Variants in HHIPL1 observed in about 807,000 individuals in gnomAD.
HHIPL1 encodes the protein HHIP-like protein 1.
In HHIPL1, 43 loss-of-function variants were observed where a neutral mutation model predicts 61.8. That is an observed-to-expected ratio of 0.70 (90% CI 0.55 to 0.90). The LOEUF is 0.90. HHIPL1 is among the 40% of genes least tolerant of loss of function. The pLI, the probability that HHIPL1 is intolerant of heterozygous loss-of-function variation, is 0.00. For missense variants in HHIPL1, 1,056 were observed against 1,157.7 expected, an observed-to-expected ratio of 0.91 and a Z score of 1.28; for synonymous variants, 482 against 515.8, an observed-to-expected ratio of 0.93 and a Z score of 0.89.
Position 99,675,358 on chromosome 14 carries a change from GA to G in HHIPL1, c.2082del (p.Arg695AlafsTer191). 6.7e-7 allele frequency: 1 copy of G among 1,489,012 alleles called. No homozygotes were observed. Among genetic ancestry groups the G allele is most frequent in the African/African-American group, 1.4e-5 (1 of 69,984 alleles). 92.2% of individuals were successfully genotyped at this position (1,489,012 alleles called of 1,614,324 possible). On this transcript the variant is annotated frameshift_variant, in exon 9 of 9. Coordinates refer to ENST00000330710, the MANE Select transcript of HHIPL1 (RefSeq NM_001127258.3). LOFTEE classifies it low-confidence loss of function (END_TRUNC). This position sits in a 1 kb window ranked among gnomAD's most constrained non-coding sequence, Gnocchi z 5.4. ...GGGCGCGTGGAGGTGTTCGTGGGCG[GA>G]CGCTGGGGCACCGTGTGCGACGACT... is the stretch of plus-strand genomic sequence containing the variant. Reference protein sequence around the residue: ...GSGRVEVFVGGRWGTVCDDSW... With the variant: ...GSGRVEVFVGXRWGTVCDDSW...
At chr14:99,629,387 A>G in the HHIPL1 span, among the ~76,000 whole-genome samples, 1 of 152,240 alleles carries the variant, frequency 6.6e-6, no homozygotes, top group African/African-American at 2.4e-5. Context: ...TCTCTCTGGA[A>G]GATTACATAA....
the HHIPL1 span, among the ~76,000 whole-genome samples, chr14:99,607,214 T>C: frequency 6.6e-6 from 1 of 151,764 alleles, no homozygotes; most frequent in Non-Finnish European, 1.5e-5. Context: ...CTTTTCTTTT[T>C]TCCCCCATAG....
At chr14:99,621,073 AC>A in the HHIPL1 span, among the ~76,000 whole-genome samples, 1 of 152,220 alleles carries the variant, frequency 6.6e-6, no homozygotes, top group Non-Finnish European at 1.5e-5. Flanking sequence ...TCACCACCTG[AC>A]CACGACTTGC....
At chr14:99,653,915 G>T (rs760914347) in intron 2 of HHIPL1, among the ~76,000 whole-genome samples, 1 of 152,238 alleles carries the variant, frequency 6.6e-6, no homozygotes, top group Admixed American at 6.5e-5. Flanking sequence ...GGGCTCAGAC[G>T]CAGTGGCTCA....
chr14:99,639,908 C>T, the HHIPL1 span, among the ~76,000 whole-genome samples: 2 of 152,242 alleles, frequency 1.3e-5, no homozygotes, highest in Non-Finnish European at 2.9e-5. Flanking sequence ...GATCCTCCCA[C>T]ATCGGCCTCC....
In HHIPL1 at chr14:99,668,445, C is replaced by G; in HGVS notation, c.1730+142C>G. 1.6e-6 allele frequency: 1 copy of G among 641,122 alleles called. No individual in the cohort carries two copies. The highest frequency in any genetic ancestry group is 2.8e-6 in the Non-Finnish European group (1 of 355,358). The allele number at this position is 641,122 out of a possible 1,614,324, so 39.7% of individuals were successfully genotyped here. A position where few individuals can be genotyped will look rare whatever the true frequency, so the allele number is the denominator to read the frequency against. On this transcript the variant is annotated intron_variant, in intron 7 of 8. Coordinates refer to ENST00000330710, the MANE Select transcript of HHIPL1 (RefSeq NM_001127258.3). The surrounding 1 kb of genome is among the most constrained non-coding windows in gnomAD (Gnocchi z 4.7). ...AAGAACCCTGAGGCCCAGAGAGGGACGTGATTTGCCTCAGTTCCTCCGGCA... is the reference window on the plus strand; with the variant it reads ...AAGAACCCTGAGGCCCAGAGAGGGAGGTGATTTGCCTCAGTTCCTCCGGCA...
chr14:99,656,818 AG>A (rs1566809769), intron 2 of HHIPL1, among the ~76,000 whole-genome samples, 181 bp from the exon 3 acceptor site: 1,534 of 6,142 alleles, frequency 0.25, 362 homozygotes, highest in Middle Eastern at 0.5. Flanking sequence ...AAAGAAAGAA[AG>A]AAAGAAAGAA....
Position 99,676,976 on chromosome 14 carries a change from G to T in HHIPL1, c.*1350G>T, listed in dbSNP as rs1188335905. On this transcript the variant is annotated 3_prime_UTR_variant, in exon 9 of 9. Coordinates refer to ENST00000330710, the MANE Select transcript of HHIPL1 (RefSeq NM_001127258.3). ...GGGGCACCCAAACCCAACCTATGGG[G>T]GGGCTTTGGGAGGGGGTGATGCTGT... 6.6e-6 allele frequency: 1 copy of T among 152,328 alleles called. No homozygotes were observed. Among genetic ancestry groups the T allele is most frequent in the Non-Finnish European group, 1.5e-5 (1 of 68,172 alleles). The allele number at this position is 152,328 out of a possible 1,614,324, so 9.4% of individuals were successfully genotyped here. A position where few individuals can be genotyped will look rare whatever the true frequency, so the allele number is the denominator to read the frequency against.
At chr14:99,604,596 A>C in the HHIPL1 span, 1 of 151,996 alleles carries the variant, frequency 6.6e-6, no homozygotes, top group Non-Finnish European at 1.5e-5. Flanking sequence ...CCAGGGCTAC[A>C]GGGCGCTTTT....
the HHIPL1 span, among the ~76,000 whole-genome samples, chr14:99,618,216 G>A: frequency 6.6e-6 from 1 of 152,190 alleles, no homozygotes; most frequent in African/African-American, 2.4e-5. Context: ...AAGAGGAAGG[G>A]CTGGCACCAA....
chr14:99,668,888 C>A lies in HHIPL1; in HGVS notation c.1730+585C>A. On this transcript the variant is annotated intron_variant, in intron 7 of 8. Coordinates refer to ENST00000330710, the MANE Select transcript of HHIPL1 (RefSeq NM_001127258.3). This position sits in a 1 kb window ranked among gnomAD's most constrained non-coding sequence, Gnocchi z 4.7. ...GTCCCAGCTCCTTCCGTGTGCAGCT[C>A]ATTGACGTCTCAGCCGTTCATTTTA... 6.2e-7 allele frequency: 1 copy of A among 1,614,074 alleles called. No homozygotes were observed. The highest frequency in any genetic ancestry group is 8.5e-7 in the Non-Finnish European group (1 of 1,179,952).
intron 4 of HHIPL1, 130 bp downstream of exon 4, chr14:99,659,886 T>TC: frequency 1.6e-6 from 1 of 622,662 alleles, no homozygotes; most frequent in Non-Finnish European, 2.5e-6. Flanking sequence ...GAGTCTGTCC[T>TC]CGGCCCCACT....
chr14:99,627,159 T>C, the HHIPL1 span, among the ~76,000 whole-genome samples: 1 of 151,724 alleles, frequency 6.6e-6, no homozygotes, highest in South Asian at 2.1e-4. This position sits in a 1 kb window ranked among gnomAD's most constrained non-coding sequence, Gnocchi z 4.4. Flanking sequence ...CATCCACCTA[T>C]CTGTCCCTGT....
chr14:99,637,091 AGAAG>A, the HHIPL1 span, among the ~76,000 whole-genome samples: 1 of 126,970 alleles, frequency 7.9e-6, no homozygotes, highest in Non-Finnish European at 1.7e-5. Flanking sequence ...AAAGAAAGAA[AGAAG>A]GAAGGAAAAA....
At chr14:99,666,935 A>G (rs974536134) in intron 6 of HHIPL1, among the ~76,000 whole-genome samples, 1 of 150,918 alleles carries the variant, frequency 6.6e-6, no homozygotes, top group Non-Finnish European at 1.5e-5. Context: ...TTACCCCTCA[A>G]GTGCCTTCCC....
chr14:99,624,302 A>G, the HHIPL1 span, among the ~76,000 whole-genome samples: 1 of 152,098 alleles, frequency 6.6e-6, no homozygotes, highest in African/African-American at 2.4e-5. Flanking sequence ...ACCTGCTGCC[A>G]ATCAGCTCTG....
chr14:99,653,291 G>GA (rs1290716144), intron 2 of HHIPL1, among the ~76,000 whole-genome samples: 1 of 151,984 alleles, frequency 6.6e-6, no homozygotes, highest in Non-Finnish European at 1.5e-5. Flanking sequence ...CCCGCCCTCT[G>GA]CCCCAGCCTG....
chr14:99,650,851 A>G (rs911972011), intron 1 of HHIPL1, among the ~76,000 whole-genome samples: 4 of 152,260 alleles, frequency 2.6e-5, no homozygotes, highest in African/African-American at 9.6e-5. Flanking sequence ...TGCCTGCCAG[A>G]GAAGAGCAGG....
At chr14:99,655,283 G>A (rs1266055789) in intron 2 of HHIPL1, among the ~76,000 whole-genome samples, 2 of 152,222 alleles carry the variant, frequency 1.3e-5, no homozygotes, top group Non-Finnish European at 2.9e-5. Flanking sequence ...CTGGGTTCAA[G>A]TCACTTGACC....
Sources: allele counts gnomAD v4.1 joint callset (sites outside exome capture counted in the v4.1 genomes callset), GRCh38; gene constraint gnomAD v4.1.1; non-coding constraint Gnocchi (gnomAD v3.1); transcripts MANE v1.5; gene names NCBI Gene and HGNC (gene_info 2026-07-23, HGNC 2026-07-21).